PDE5A: variants seen among roughly 807,000 people sequenced by gnomAD.
PDE5A encodes the protein cGMP-specific 3',5'-cyclic phosphodiesterase.
In PDE5A, 67 loss-of-function variants were observed where a neutral mutation model predicts 110.2. That is an observed-to-expected ratio of 0.61 (90% CI 0.50 to 0.75). PDE5A has a LOEUF of 0.75. PDE5A is among the 30% of genes least tolerant of loss of function. The probability of loss-of-function intolerance (pLI) is 0.00; values close to 1 mark genes in which losing one functional copy is unlikely to be tolerated. For synonymous variants in PDE5A, 328 were observed against 351.2 expected, an observed-to-expected ratio of 0.93 and a Z score of 0.74; for missense variants, 862 against 1,045.1, an observed-to-expected ratio of 0.82 and a Z score of 2.42.
At chr4:119,577,645 G>A (rs986632436) in intron 3 of PDE5A, among the ~76,000 whole-genome samples, 1 of 152,114 alleles carries the variant, frequency 6.6e-6, no homozygotes, top group Admixed American at 6.5e-5. Context: ...AACCCTTCAT[G>A]CTAAAAACTC....
intron 1 of PDE5A, among the ~76,000 whole-genome samples, chr4:119,624,133 C>T (rs967402750): frequency 2.0e-5 from 3 of 152,052 alleles, no homozygotes; most frequent in African/African-American, 4.8e-5. Flanking sequence ...ATTATTGCAC[C>T]AGAATTACCA....
intron 10 of PDE5A, among the ~76,000 whole-genome samples, chr4:119,539,487 T>TAACC (rs1398902047): frequency 6.6e-6 from 1 of 152,100 alleles, no homozygotes; most frequent in African/African-American, 2.4e-5. Flanking sequence ...ATGAGGCCTG[T>TAACC]AACCATTCTA....
intron 15 of PDE5A, among the ~76,000 whole-genome samples, chr4:119,508,725 G>A (rs1165128647): frequency 2.9e-5 from 4 of 139,670 alleles, no homozygotes; most frequent in Admixed American, 7.2e-5. Context: ...AATACCTTCT[G>A]ATACTTACTT....
At chr4:119,505,991 G>T in intron 16 of PDE5A, 59 bp from the exon 17 acceptor site, 1 of 914,150 alleles carries the variant, frequency 1.1e-6, no homozygotes, top group South Asian at 1.8e-5. Context: ...TTATCCCTTT[G>T]GTCCACAAAG....
intron 17 of PDE5A, among the ~76,000 whole-genome samples, chr4:119,504,875 G>C (rs1725503680): frequency 6.6e-6 from 1 of 151,806 alleles, no homozygotes; most frequent in Non-Finnish European, 1.5e-5. Flanking sequence ...ATTAACCTTG[G>C]GTAAAATCTT....
chr4:119,581,985 A>G (rs1264337605), intron 3 of PDE5A, among the ~76,000 whole-genome samples: 1 of 152,220 alleles, frequency 6.6e-6, no homozygotes, highest in African/African-American at 2.4e-5. Context: ...TGGCTGCCGA[A>G]TGATCAGGGT....
At chr4:119,565,246 C>T (rs1727884054) in intron 5 of PDE5A, 75 bp downstream of exon 5, 2 of 950,654 alleles carry the variant, frequency 2.1e-6, no homozygotes, top group Non-Finnish European at 3.3e-6. Flanking sequence ...TAATCATCTG[C>T]ATACATTACT....
intron 6 of PDE5A, among the ~76,000 whole-genome samples, chr4:119,561,015 G>A (rs1057084446): frequency 1.3e-5 from 2 of 152,212 alleles, no homozygotes; most frequent in African/African-American, 4.8e-5. Context: ...CAACTACTGG[G>A]AAGGCTGAGG....
chr4:119,622,838 T>C (rs1011656044), intron 1 of PDE5A, among the ~76,000 whole-genome samples: 60 of 118,610 alleles, frequency 5.1e-4, no homozygotes, highest in African/African-American at 1.9e-3. Flanking sequence ...CACTCCAGCC[T>C]GGGTAACAGA....
intron 9 of PDE5A, chr4:119,550,465 G>A (rs1009249403): frequency 3.3e-5 from 5 of 152,188 alleles, no homozygotes; most frequent in African/African-American, 1.2e-4. Flanking sequence ...GCCCATAAGT[G>A]TGGCTGAAGA....
chr4:119,603,497 T>C (rs1284150471), intron 2 of PDE5A, among the ~76,000 whole-genome samples: 1 of 152,198 alleles, frequency 6.6e-6, no homozygotes, highest in Non-Finnish European at 1.5e-5. Flanking sequence ...ACAGGTAGCA[T>C]TTACCAACTA....
chr4:119,565,452 C>T, intron 4 of PDE5A, 42 bp from the exon 5 acceptor site: 1 of 1,336,832 alleles, frequency 7.5e-7, no homozygotes, highest in Non-Finnish European at 1.1e-6. Flanking sequence ...GTACATAAAA[C>T]AGTCTAGTTA....
chr4:119,570,191 T>C (rs908105128), intron 3 of PDE5A, among the ~76,000 whole-genome samples: 1 of 152,214 alleles, frequency 6.6e-6, no homozygotes, highest in Non-Finnish European at 1.5e-5. Flanking sequence ...TGCCCTCATG[T>C]TCAAATAAAT....
chr4:119,551,280 T>G (rs574872642), intron 9 of PDE5A, among the ~76,000 whole-genome samples: 3 of 152,276 alleles, frequency 2.0e-5, no homozygotes, highest in Admixed American at 6.5e-5. Flanking sequence ...GTCCAGTTCA[T>G]ACAATAAGAA....
At chr4:119,559,961 C>T (rs890886311) in intron 7 of PDE5A, among the ~76,000 whole-genome samples, 1 of 152,146 alleles carries the variant, frequency 6.6e-6, no homozygotes, top group African/African-American at 2.4e-5. Context: ...AATGAATTCC[C>T]CATCTGCCTC....
At chr4:119,554,238 T>C (rs1727460521) in intron 7 of PDE5A, among the ~76,000 whole-genome samples, 1 of 152,158 alleles carries the variant, frequency 6.6e-6, no homozygotes. Context: ...CTATTTTCTT[T>C]CTCCTTCTGT....
intron 3 of PDE5A, 129 bp from the exon 4 acceptor site, chr4:119,567,273 A>G: frequency 1.6e-6 from 1 of 631,538 alleles, no homozygotes; most frequent in Non-Finnish European, 2.8e-6. Flanking sequence ...AAACAAAAGC[A>G]AAACCCCTCA....
At chr4:119,510,989 A>G in intron 15 of PDE5A, 58 bp downstream of exon 15, 2 of 1,045,736 alleles carry the variant, frequency 1.9e-6, no homozygotes, top group Non-Finnish European at 1.5e-6. Flanking sequence ...AACTAAAAAT[A>G]AAACTGAATT....
rs763965873 is a variant in PDE5A, at chr4:119,562,835, A to C, written c.1129T>G (p.Ser377Ala). ...AAAAAGTCATACTCTGTACTCACGG[A>C]GCAATCTTCATCCACTATGAAAATG... Reference protein sequence around the residue: ...CTIFIVDEDCSDSFSSVFHME... With the variant: ...CTIFIVDEDCADSFSSVFHME... Residue 377 changes from serine to alanine, a missense_variant and splice_region_variant, in exon 6 of 21, where the codon TCC becomes GCC. By Grantham distance (99) the Ser-to-Ala change is moderately conservative. Transcript: ENST00000354960. The C allele has an allele frequency of 8.3e-6, 13 of 1,567,992 alleles. No individual in the cohort carries two copies. The Admixed American group carries it at 1.0e-4, about 12-fold the overall frequency.
Sources: gnomAD v4.1 joint callset for allele counts (sites outside exome capture counted in the v4.1 genomes callset) on GRCh38, gnomAD v4.1.1 for gene constraint, MANE v1.5 for transcripts, NCBI Gene and HGNC (gene_info 2026-07-23, HGNC 2026-07-21) for gene names.